ARSJ: variants seen among roughly 807,000 people sequenced by gnomAD.
ARSJ encodes arylsulfatase J.
Under a neutral mutation model 35.9 loss-of-function variants are expected in ARSJ, and 26 were observed. The ratio of observed to expected loss-of-function variants is 0.72; its 90% CI spans 0.53 to 1.00. ARSJ has a LOEUF of 1.00. ARSJ is among the 50% of genes least tolerant of loss of function. ARSJ has a pLI of 0.00. For synonymous variants in ARSJ, 294 were observed against 267.6 expected, an observed-to-expected ratio of 1.10 and a Z score of -0.96; for missense variants, 667 against 723.6, an observed-to-expected ratio of 0.92 and a Z score of 0.90.
At chr4:113,970,180 A>C (rs1383801315) in intron 1 of ARSJ, among the ~76,000 whole-genome samples, 1 of 152,172 alleles carries the variant, frequency 6.6e-6, no homozygotes, top group Non-Finnish European at 1.5e-5. Flanking sequence ...GTTCTTGAGA[A>C]ACTGTGAATC....
intron 1 of ARSJ, among the ~76,000 whole-genome samples, chr4:113,914,207 CA>C (rs1180552662): frequency 6.6e-6 from 1 of 152,084 alleles, no homozygotes; most frequent in East Asian, 1.9e-4. Context: ...CTCCTGACCT[CA>C]TAATCCACCC....
At chr4:113,931,054 T>C (rs1016628540) in intron 1 of ARSJ, among the ~76,000 whole-genome samples, 5 of 151,812 alleles carry the variant, frequency 3.3e-5, no homozygotes, top group South Asian at 2.1e-4. Context: ...AGGGATAGCA[T>C]TGGGAGATAT....
intron 1 of ARSJ, chr4:113,943,159 T>C (rs571679032): frequency 4.6e-5 from 7 of 151,984 alleles, no homozygotes; most frequent in Non-Finnish European, 1.0e-4. Flanking sequence ...AGGCTCCAAT[T>C]TCAACCCTCT....
intron 1 of ARSJ, among the ~76,000 whole-genome samples, chr4:113,948,996 A>G (rs1359297315): frequency 1.3e-5 from 2 of 152,126 alleles, no homozygotes; most frequent in Non-Finnish European, 2.9e-5. Context: ...GCACCATGGA[A>G]TACTAAGCAG....
intron 1 of ARSJ, among the ~76,000 whole-genome samples, chr4:113,958,531 T>C (rs1726335817): frequency 6.6e-6 from 1 of 152,036 alleles, no homozygotes; most frequent in African/African-American, 2.4e-5. Context: ...AAGAAGGTCT[T>C]TGAACCCCTA....
Position 113,902,328 on chromosome 4 carries a change from T to A in ARSJ, c.1746A>T (p.Lys582Asn). 6.2e-7 allele frequency: 1 copy of A among 1,613,298 alleles called. No individual in the cohort carries two copies. Among genetic ancestry groups the A allele is most frequent in the East Asian group, 2.2e-5 (1 of 44,890 alleles). ...TTGAACCTGAGACTGCTTTCTGCTG[T>A]TTCTTCTTCTTTTTTTTGCTTTTCT... ...KQKKSKKKKKKQQKAVSGSTC... is the reference protein window; with the variant it reads ...KQKKSKKKKKNQQKAVSGSTC... The change falls in exon 2 of 2, where the codon AAA becomes AAT. Residue 582 changes from lysine (K) to asparagine (N), a missense_variant. Lys to Asn is a moderately conservative substitution (Grantham distance 94). Coordinates refer to ENST00000315366, the MANE Select transcript of ARSJ (RefSeq NM_024590.4).
intron 1 of ARSJ, among the ~76,000 whole-genome samples, chr4:113,933,036 G>A (rs1724551495): frequency 6.6e-6 from 1 of 151,768 alleles, no homozygotes; most frequent in Non-Finnish European, 1.5e-5. Context: ...CATAACAACT[G>A]AGACCACAGA....
intron 1 of ARSJ, among the ~76,000 whole-genome samples, chr4:113,909,141 GA>G (rs1036178015): frequency 2.0e-5 from 3 of 150,692 alleles, no homozygotes; most frequent in African/African-American, 4.9e-5. Flanking sequence ...AGAAGGAGTG[GA>G]AAAAAAAAGA....
At chr4:113,961,115 T>C (rs955576585) in intron 1 of ARSJ, among the ~76,000 whole-genome samples, 2 of 151,996 alleles carry the variant, frequency 1.3e-5, no homozygotes, top group Non-Finnish European at 2.9e-5. Context: ...GTGCAGATCC[T>C]GAGCAGACAC....
At chr4:113,907,441 A>G (rs779002945) in intron 1 of ARSJ, among the ~76,000 whole-genome samples, 3 of 152,214 alleles carry the variant, frequency 2.0e-5, no homozygotes, top group Non-Finnish European at 4.4e-5. Context: ...TTTCAATAAA[A>G]TAATGAAAAA....
intron 1 of ARSJ, chr4:113,906,662 G>C: frequency 8.9e-6 from 4 of 451,562 alleles, no homozygotes; most frequent in Non-Finnish European, 1.8e-5. Flanking sequence ...GAATCAAACA[G>C]ACCTGGGTTT....
rs28708872 is a variant in ARSJ at position 113,918,933 on chromosome 4, A to T, written c.399-15258T>A. 1.5e-4 allele frequency among the ~76,000 whole-genome samples: 22 copies of T among 151,460 alleles called. No individual in the cohort carries two copies. In the South Asian group the frequency reaches 2.5e-3, roughly 17 times the overall value. The stretch of plus-strand genomic sequence containing the variant: ...TCAGCCTCCTGAGTAGCTGATACTA[A>T]GCGCGCATGTCGCCATGCCCAGAAC... On this transcript the variant is annotated intron_variant, in intron 1 of 1. Coordinates refer to ENST00000315366, the MANE Select transcript of ARSJ (RefSeq NM_024590.4).
At chr4:113,932,365 G>A (rs1724507990) in intron 1 of ARSJ, among the ~76,000 whole-genome samples, 1 of 152,014 alleles carries the variant, frequency 6.6e-6, no homozygotes, top group Non-Finnish European at 1.5e-5. Flanking sequence ...TAGACTAATA[G>A]CCCTAACTGA....
At chr4:113,964,321 A>C (rs1269175587) in intron 1 of ARSJ, among the ~76,000 whole-genome samples, 1 of 152,128 alleles carries the variant, frequency 6.6e-6, no homozygotes, top group Non-Finnish European at 1.5e-5. Flanking sequence ...GTAGAAAAGG[A>C]GCACATAAAA....
In ARSJ at chr4:113,961,895, CTCTGTGTGTG is replaced by C. The variant is rs60497309; in HGVS notation, c.398+16532_398+16541del. ...TGCCTGTGTTTGTCTCTCTCTCTCT[CTCTGTGTGTG>C]TGTGTGTGTGTGTGTGTGTGTGTGT... On this transcript the variant is annotated intron_variant, in intron 1 of 1. Transcript: ENST00000315366. 6.9e-3 allele frequency among the ~76,000 whole-genome samples: 840 copies of C among 122,034 alleles called. 11 individuals carry two copies. The highest frequency in any genetic ancestry group is 0.028 in the African/African-American group (766 of 27,808). The allele number at this position is 122,034 out of a possible 152,430, so 80.1% of individuals were successfully genotyped here.
At chr4:113,943,344 C>T (rs1450092579) in intron 1 of ARSJ, 2 of 152,084 alleles carry the variant, frequency 1.3e-5, no homozygotes, top group Non-Finnish European at 2.9e-5. Flanking sequence ...AGGATCATGA[C>T]TGCCCTGAGT....
intron 1 of ARSJ, among the ~76,000 whole-genome samples, chr4:113,923,873 G>T (rs1402598887): frequency 6.6e-6 from 1 of 150,632 alleles, no homozygotes; most frequent in African/African-American, 2.4e-5. Context: ...TCCTATAAAA[G>T]TTCTATTGGA....
intron 1 of ARSJ, among the ~76,000 whole-genome samples, chr4:113,915,845 G>A (rs1056766039): frequency 3.9e-5 from 6 of 152,150 alleles, no homozygotes; most frequent in Non-Finnish European, 8.8e-5. Flanking sequence ...CAACAATAGA[G>A]ATCATATTTT....
In ARSJ at chr4:113,955,388, A is replaced by G. The variant is rs576764909; in HGVS notation, c.398+23049T>C. ...AGCTTCTTTTAGGTCGTAAATTTGC[A>G]TGGACTCATGGTAATCCAAATGACT... On this transcript the variant is annotated intron_variant, in intron 1 of 1. Transcript: ENST00000315366. Among the ~76,000 whole-genome samples the G allele has an allele frequency of 1.4e-3, 218 of 152,022 alleles. 1 individual carries two copies. The highest frequency in any genetic ancestry group is 5.0e-3 in the African/African-American group (207 of 41,498).
Sources: gnomAD v4.1 joint callset for allele counts (sites outside exome capture counted in the v4.1 genomes callset) on GRCh38, gnomAD v4.1.1 for gene constraint, MANE v1.5 for transcripts, NCBI Gene and HGNC (gene_info 2026-07-23, HGNC 2026-07-21) for gene names.